The following DPP10 variants were observed in gnomAD, a reference collection of about 807,000 sequenced individuals.
The protein encoded by DPP10 is dipeptidyl peptidase like 10, also known as inactive dipeptidyl peptidase 10.
Under a neutral mutation model 120.9 loss-of-function variants are expected in DPP10, and 33 were observed. The ratio of observed to expected loss-of-function variants is 0.27; its 90% CI spans 0.21 to 0.37. The LOEUF (loss-of-function observed/expected upper bound fraction) is 0.37. Among genes scored for constraint, DPP10 ranks in the 10% least tolerant of loss-of-function variants. The pLI is 1.00. For missense variants in DPP10, 816 were observed against 942.8 expected (o/e 0.87, Z 1.76); for synonymous variants, 337 against 326.1 (o/e 1.03, Z -0.36).
intron 1 of DPP10, among the ~76,000 whole-genome samples, chr2:114,547,174 C>T (rs1243285226): frequency 6.6e-6 from 1 of 152,242 alleles, no homozygotes; most frequent in Admixed American, 6.5e-5. Context: ...CATAATTTTA[C>T]TTTCGAATTT....
intron 1 of DPP10, among the ~76,000 whole-genome samples, chr2:115,248,244 C>G (rs999853988): frequency 6.6e-6 from 1 of 152,128 alleles, no homozygotes; most frequent in African/African-American, 2.4e-5. Flanking sequence ...TTCTCCCTCT[C>G]TCTAGGACTC....
intron 17 of DPP10, 114 bp downstream of exon 17, chr2:115,782,513 A>G (rs1682892628): frequency 1.0e-6 from 1 of 1,002,718 alleles, no homozygotes; most frequent in South Asian, 1.4e-5. Flanking sequence ...AATCCCCACC[A>G]TGAGGAAAGC....
chr2:114,514,404 T>G (rs923080288), intron 1 of DPP10, among the ~76,000 whole-genome samples: 3 of 152,052 alleles, frequency 2.0e-5, no homozygotes, highest in Non-Finnish European at 4.4e-5. Flanking sequence ...CTCTACAATC[T>G]TACCTCCTAG....
intron 1 of DPP10, among the ~76,000 whole-genome samples, chr2:114,853,562 G>A (rs888291784): frequency 6.6e-6 from 1 of 152,054 alleles, no homozygotes; most frequent in African/African-American, 2.4e-5. Context: ...TCTTTGAAAG[G>A]CCATCTCTGA....
At chr2:115,314,680 A>G (rs936270754) in intron 2 of DPP10, among the ~76,000 whole-genome samples, 63 of 152,286 alleles carry the variant, frequency 4.1e-4, no homozygotes, top group African/African-American at 1.4e-3. Flanking sequence ...TTCATAGGCC[A>G]TGTTGGGTAA....
chr2:114,727,088 G>C (rs1337383122), intron 1 of DPP10, among the ~76,000 whole-genome samples: 1 of 152,188 alleles, frequency 6.6e-6, no homozygotes, highest in African/African-American at 2.4e-5. Flanking sequence ...ATCTCACTCA[G>C]AGAAGCTATT....
At position 115,797,083 on chromosome 2, in the gene DPP10, T is replaced by C. The variant is rs570300210; in HGVS notation, c.1700+5727T>C. Among the ~76,000 whole-genome samples, 155 of 152,224 alleles carry C rather than the reference T, an allele frequency of 1.0e-3. 1 individual carries two copies. Among genetic ancestry groups the C allele is most frequent in the African/African-American group, 3.4e-3 (143 of 41,568 alleles). Reference sequence around the variant, plus strand: ...TCTTATGAACTTTTCTTCTTTCCACTGAACAGTTTATAATAGTTTCTGGAA... The same window carrying C: ...TCTTATGAACTTTTCTTCTTTCCACCGAACAGTTTATAATAGTTTCTGGAA... On this transcript the variant is annotated intron_variant, in intron 19 of 25. Transcript: ENST00000410059.
intron 3 of DPP10, among the ~76,000 whole-genome samples, chr2:115,478,447 A>G (rs2075229055): frequency 6.6e-6 from 1 of 152,210 alleles, no homozygotes; most frequent in South Asian, 2.1e-4. Flanking sequence ...CTAAAACTAT[A>G]AAACATTTAG....
At chr2:115,825,083 T>TA (rs1246883898) in intron 21 of DPP10, among the ~76,000 whole-genome samples, 2 of 152,224 alleles carry the variant, frequency 1.3e-5, no homozygotes, top group Non-Finnish European at 2.9e-5. Flanking sequence ...TTGCAACTAT[T>TA]ACGTAAAATG....
chr2:114,629,214 C>T (rs766809442), intron 1 of DPP10, among the ~76,000 whole-genome samples: 85 of 152,188 alleles, frequency 5.6e-4, no homozygotes, highest in African/African-American at 2.0e-3. Flanking sequence ...TTCCTTCAAA[C>T]TTTCTCTGCC....
At chr2:115,372,143 T>A (rs2065453655) in intron 3 of DPP10, among the ~76,000 whole-genome samples, 1 of 152,144 alleles carries the variant, frequency 6.6e-6, no homozygotes, top group Non-Finnish European at 1.5e-5. Flanking sequence ...GATACAATTT[T>A]GTTGATTATA....
chr2:114,609,157 AAAAC>A (rs1268442390), intron 1 of DPP10, among the ~76,000 whole-genome samples: 1 of 152,204 alleles, frequency 6.6e-6, no homozygotes, highest in Non-Finnish European at 1.5e-5. Context: ...AAGTTTCCAG[AAAAC>A]AAAGCAGAAA....
At chr2:115,112,968 G>A (rs2049306330) in intron 1 of DPP10, among the ~76,000 whole-genome samples, 1 of 152,042 alleles carries the variant, frequency 6.6e-6, no homozygotes, top group Non-Finnish European at 1.5e-5. Flanking sequence ...GGTGGTCTAT[G>A]AGTCATTATT....
chr2:114,953,854 A>T (rs1697984067), intron 1 of DPP10, among the ~76,000 whole-genome samples: 1 of 152,130 alleles, frequency 6.6e-6, no homozygotes, highest in Admixed American at 6.5e-5. Flanking sequence ...TTGAGTTTAT[A>T]ATAAATACTG....
chr2:114,631,773 A>T (rs1694944067), intron 1 of DPP10, among the ~76,000 whole-genome samples: 1 of 152,218 alleles, frequency 6.6e-6, no homozygotes, highest in African/African-American at 2.4e-5. Context: ...GACTAAAAAA[A>T]AATCAATTAT....
At chr2:115,384,429 G>GAGAAGA (rs1019032054) in intron 3 of DPP10, among the ~76,000 whole-genome samples, 1 of 124,162 alleles carries the variant, frequency 8.1e-6, no homozygotes, top group Non-Finnish European at 1.9e-5. Context: ...GAAGAAGAAG[G>GAGAAGA]AGAAGAAGAA....
chr2:115,345,519 A>G (rs6727747), intron 3 of DPP10, among the ~76,000 whole-genome samples: 61,152 of 151,998 alleles, frequency 0.4, 15,016 homozygotes, highest in Non-Finnish European at 0.55. Context: ...TTTTTTAAAC[A>G]GTAGTATTAT....
chr2:114,488,685 T>A (rs1294171970), intron 1 of DPP10, among the ~76,000 whole-genome samples: 1 of 152,220 alleles, frequency 6.6e-6, no homozygotes, highest in Non-Finnish European at 1.5e-5. Context: ...AAGGATCTCA[T>A]GTGGACACTG....
At chr2:114,626,772 T>A (rs914280298) in intron 1 of DPP10, among the ~76,000 whole-genome samples, 7 of 152,110 alleles carry the variant, frequency 4.6e-5, no homozygotes, top group Non-Finnish European at 8.8e-5. Flanking sequence ...TCGGAAATTT[T>A]AAAAAATCAG....
Sources: gnomAD v4.1 joint callset for allele counts (sites outside exome capture counted in the v4.1 genomes callset) on GRCh38, gnomAD v4.1.1 for gene constraint, MANE v1.5 for transcripts, NCBI Gene and HGNC (gene_info 2026-07-23, HGNC 2026-07-21) for gene names.